TFR2: variants seen among roughly 807,000 people sequenced by gnomAD.
TFR2 encodes the protein transferrin receptor 2.
TFR2 carries 64 observed loss-of-function variants against 91.9 expected under a neutral mutation model. The observed-to-expected ratio is 0.70, with a 90% CI of 0.57 to 0.86. The LOEUF is 0.86. Ranked by LOEUF, TFR2 falls within the 40% of genes least tolerant of loss-of-function variation. The pLI is 0.00. For synonymous variants in TFR2, 454 were observed against 459.6 expected (o/e 0.99, Z 0.15); for missense variants, 950 against 1,080.5 (o/e 0.88, Z 1.69).
At chr7:100,640,430 A>T in intron 3 of TFR2, 1 of 553,494 alleles carries the variant, frequency 1.8e-6, no homozygotes, top group Admixed American at 3.1e-5. Flanking sequence ...TGGATGCTGC[A>T]CCCCTCTGAT....
Position 100,631,831 on chromosome 7 carries a change from C to T in TFR2, c.1081G>A (p.Ala361Thr). ...LPSIPAQPIS[A>T]DIASRLLRKL... ...CTCAGCAGGCGGGAGGCAATGTCTG[C>T]ACTGATGGGCTGGGCTGGGATGCTG... The change falls in exon 8 of 18, where the codon GCA becomes ACA. Residue 361 changes from alanine (A) to threonine (T), a missense_variant. Ala to Thr is a moderately conservative substitution (Grantham distance 58). Transcript: ENST00000223051. 6.2e-7 allele frequency: 1 copy of T among 1,613,416 alleles called. No individual in the cohort carries two copies. The highest frequency in any genetic ancestry group is 1.1e-5 in the South Asian group (1 of 90,904).
At position 100,630,953 on chromosome 7, in the gene TFR2, G is replaced by C. The variant is rs144917130; in HGVS notation, c.1206C>G (p.Asn402Lys). ...GPGPRLRLVV[N>K]NHRTSTPINN... ...TGATGGGGGTGGAGGTCCTGTGATTGTTGACCACTAGCCGCAGTCGTGGCC... is the reference window on the plus strand; with the variant it reads ...TGATGGGGGTGGAGGTCCTGTGATTCTTGACCACTAGCCGCAGTCGTGGCC... Residue 402 changes from asparagine (N) to lysine (K), a missense_variant, in exon 9 of 18, where the codon AAC becomes AAG. By Grantham distance (94) the Asn-to-Lys change is moderately conservative. Coordinates refer to ENST00000223051, the MANE Select transcript of TFR2 (RefSeq NM_003227.4). The C allele has an allele frequency of 1.1e-5, 17 of 1,612,996 alleles. No individual in the cohort carries two copies. The highest frequency in any genetic ancestry group is 1.4e-5 in the Non-Finnish European group (16 of 1,179,866).
chr7:100,622,952 C>G (rs535998090), intron 17 of TFR2, among the ~76,000 whole-genome samples: 7 of 140,550 alleles, frequency 5.0e-5, no homozygotes, highest in African/African-American at 1.9e-4. Context: ...GAGCAAGACT[C>G]TGTCTCAGAA....
intron 3 of TFR2, chr7:100,633,781 T>C (rs1318815410): frequency 3.1e-6 from 2 of 643,712 alleles, no homozygotes; most frequent in African/African-American, 4.2e-5. Flanking sequence ...CAATCTCGGC[T>C]CTCTGCAACT....
chr7:100,629,644 A>G (rs1244506255), intron 9 of TFR2, among the ~76,000 whole-genome samples: 2 of 152,008 alleles, frequency 1.3e-5, no homozygotes, highest in Non-Finnish European at 2.9e-5. Context: ...TGCAGCTTCA[A>G]ACTCCCTGGC....
intron 3 of TFR2, chr7:100,640,132 T>A (rs1225470421): frequency 6.4e-6 from 1 of 156,368 alleles, no homozygotes; most frequent in East Asian, 1.9e-4. Flanking sequence ...CAGGCTGGAG[T>A]GCAGTGGCAT....
intron 17 of TFR2, among the ~76,000 whole-genome samples, chr7:100,625,573 GAGAA>G (rs1562837021): frequency 6.6e-6 from 1 of 152,110 alleles, no homozygotes; most frequent in African/African-American, 2.4e-5. Flanking sequence ...AGAATGAATG[GAGAA>G]AGAGATATAA....
Position 100,633,342 on chromosome 7 carries a change from T to C in TFR2, c.615-2A>G. The C allele has an allele frequency of 1.2e-6, 2 of 1,612,050 alleles. No individual in the cohort carries two copies. Among genetic ancestry groups the C allele is most frequent in the Non-Finnish European group, 1.7e-6 (2 of 1,179,318 alleles). On this transcript the variant is annotated splice_acceptor_variant, in intron 4 of 17. Coordinates refer to ENST00000223051, the MANE Select transcript of TFR2 (RefSeq NM_003227.4). LOFTEE classifies it high-confidence loss of function. ...CAGTGCAGGGTGTTGGGGTGAGCCC[T>C]GGGGAGCGGGGCTGGTGAGCGCCCC...
At position 100,633,072 on chromosome 7, in the gene TFR2, G is replaced by C; in HGVS notation, c.778C>G (p.Arg260Gly). The change falls in exon 6 of 18, where the codon CGG becomes GGG. Residue 260 changes from arginine (R) to glycine (G), a missense_variant. Coordinates refer to ENST00000223051, the MANE Select transcript of TFR2 (RefSeq NM_003227.4). Reference sequence around the variant, plus strand: ...CCCACTGGATCCACGCCCCTGGCCCGCAGGTCCTGCAGGTCTTCGGGCCGC... The same window carrying C: ...CCCACTGGATCCACGCCCCTGGCCCCCAGGTCCTGCAGGTCTTCGGGCCGC... ...YGRPEDLQDL[R>G]ARGVDPVGRL... is the part of the protein sequence containing the mutation. The C allele has an allele frequency of 6.2e-7, 1 of 1,613,552 alleles. No homozygotes were observed. The highest frequency in any genetic ancestry group is 8.5e-7 in the Non-Finnish European group (1 of 1,179,966).
Position 100,631,722 on chromosome 7 carries a change from A to G in TFR2, c.1106+84T>C. 3 of 1,535,514 alleles carry G rather than the reference A, an allele frequency of 2.0e-6. No homozygotes were observed. In the East Asian group the frequency reaches 6.8e-5, roughly 35 times the overall value. On this transcript the variant is annotated intron_variant, in intron 8 of 17. Coordinates refer to ENST00000223051, the MANE Select transcript of TFR2 (RefSeq NM_003227.4). ...GCTTAAACAAGAGTCACCTTTTTCT[A>G]GTTCACCCACAATCACCCTGTGGCC...
Position 100,640,735 on chromosome 7 carries a change from C to G in TFR2, c.424G>C (p.Ala142Pro). The change falls in exon 3 of 18, where the codon GCC becomes CCC. Residue 142 changes from alanine (A) to proline (P), a missense_variant. Ala to Pro is a conservative substitution (Grantham distance 27). Coordinates refer to ENST00000223051, the MANE Select transcript of TFR2 (RefSeq NM_003227.4). The stretch of plus-strand genomic sequence containing the variant: ...TCCCCCAGGAACTGCAGGAACATGG[C>G]CTGGAGGTCGCTCCAGTAGAGTCTG... ...QGRLYWSDLQ[A>P]MFLQFLGEGR... is the part of the protein sequence containing the mutation. The G allele has an allele frequency of 6.2e-7, 1 of 1,613,960 alleles. No homozygotes were observed. The highest frequency in any genetic ancestry group is 1.3e-5 in the African/African-American group (1 of 75,042).
Position 100,630,900 on chromosome 7 carries a change from C to T in TFR2, c.1259G>A (p.Arg420His), listed in dbSNP as rs146901123. The change falls in exon 9 of 18, where the codon CGC becomes CAC. Residue 420 changes from arginine to histidine, a missense_variant. By Grantham distance (29) the Arg-to-His change is conservative. Coordinates refer to ENST00000223051, the MANE Select transcript of TFR2 (RefSeq NM_003227.4). ...GACACACAGCATACCTGGCTCTGAG[C>T]GGCCTTCGATGCAGCCGAAGATGTT... ...INNIFGCIEG[R>H]SEPDHYVVIG... 338 of 1,612,790 alleles carry T rather than the reference C, an allele frequency of 2.1e-4. No individual in the cohort carries two copies. Among genetic ancestry groups the T allele is most frequent in the Non-Finnish European group, 2.7e-4 (313 of 1,179,818 alleles).
At position 100,632,092 on chromosome 7, in the gene TFR2, A is replaced by G. The variant is rs1455481870; in HGVS notation, c.956T>C (p.Val319Ala). Residue 319 changes from valine to alanine, a missense_variant, in exon 7 of 18, where the codon GTG (valine) becomes GCG (alanine). Val to Ala is a moderately conservative substitution (Grantham distance 64). Coordinates refer to ENST00000223051, the MANE Select transcript of TFR2 (RefSeq NM_003227.4). ...CCTCCCCAGACTCACATGTCCATAC[A>G]CTGCCTGCTGGCTGGACAGGCTTGG... ...PKPSLSSQQA[V>A]YGHVHLGTGD... 1 of 1,613,926 alleles carries G rather than the reference A, an allele frequency of 6.2e-7. No individual in the cohort carries two copies. The highest frequency in any genetic ancestry group is 2.2e-5 in the East Asian group (1 of 44,880).
At chr7:100,626,555 G>A (rs2131310509) in intron 17 of TFR2, 1 of 1,410,084 alleles carries the variant, frequency 7.1e-7, no homozygotes, top group East Asian at 2.6e-5. Context: ...GGCCCTCCCT[G>A]TCCATTTCAT....
At chr7:100,626,704 G>A in intron 17 of TFR2, 59 bp downstream of exon 17, 7 of 1,532,460 alleles carry the variant, frequency 4.6e-6, no homozygotes, top group Non-Finnish European at 6.1e-6. Flanking sequence ...GGTCCAGGAG[G>A]TGGAGCCCCA....
At chr7:100,621,391 T>C (rs1314351167) in intron 17 of TFR2, among the ~76,000 whole-genome samples, 1 of 152,030 alleles carries the variant, frequency 6.6e-6, no homozygotes, top group Non-Finnish European at 1.5e-5. Flanking sequence ...GTAGCTGGGA[T>C]TACAGGCACC....
In TFR2 at chr7:100,628,221, C is replaced by A; in HGVS notation, c.1473+3G>T. 6.2e-7 allele frequency: 1 copy of A among 1,613,234 alleles called. No individual in the cohort carries two copies. Among genetic ancestry groups the A allele is most frequent in the South Asian group, 1.1e-5 (1 of 91,044 alleles). On this transcript the variant is annotated splice_donor_region_variant and intron_variant, in intron 11 of 17. Coordinates refer to ENST00000223051, the MANE Select transcript of TFR2 (RefSeq NM_003227.4). The stretch of plus-strand genomic sequence containing the variant: ...TAACGACCTGCCCGGGACCCCGTAT[C>A]ACCTCTAGCCACTCCGTGGAGCCCA...
Position 100,633,256 on chromosome 7 carries a change from G to A in TFR2, c.699C>T (p.Cys233=). ...QLPLEDPDVY[C]PYSAIGNVTG... ...TGACGTTGCCGATGGCGCTGTAGGG[G>A]CAGTAGACGTCAGGGTCCTCCAGCG... is the stretch of plus-strand genomic sequence containing the variant. Residue 233 remains cysteine, a synonymous_variant, in exon 5 of 18, where the codon TGC becomes TGT. Transcript: ENST00000223051. The A allele has an allele frequency of 6.2e-7, 1 of 1,613,838 alleles. No homozygotes were observed. Among genetic ancestry groups the A allele is most frequent in the Non-Finnish European group, 8.5e-7 (1 of 1,179,878 alleles).
At chr7:100,627,533 T>C (rs1047318916) in intron 15 of TFR2, 42 bp from the exon 16 acceptor site, 3 of 1,613,842 alleles carry the variant, frequency 1.9e-6, no homozygotes, top group Non-Finnish European at 1.7e-6. Context: ...GCAGACAGGC[T>C]GAAGGACTAG....
Sources: gnomAD v4.1 joint callset for allele counts (sites outside exome capture counted in the v4.1 genomes callset) on GRCh38, gnomAD v4.1.1 for gene constraint, MANE v1.5 for transcripts, NCBI Gene and HGNC (gene_info 2026-07-23, HGNC 2026-07-21) for gene names.